Variants in PRLR observed in about 807,000 individuals in gnomAD.
PRLR encodes the protein prolactin receptor.
Under a neutral mutation model 40.2 loss-of-function variants are expected in PRLR, and 13 were observed. The ratio of observed to expected loss-of-function variants is 0.32; its 90% CI spans 0.21 to 0.51. The LOEUF is 0.51. PRLR is among the 20% of genes least tolerant of loss of function. The pLI, the probability that PRLR is intolerant of heterozygous loss-of-function variation, is 0.97. For synonymous variants in PRLR, 269 were observed against 278.7 expected (o/e 0.97, Z 0.35); for missense variants, 656 against 747.3 (o/e 0.88, Z 1.42).
chr5:35,209,549 T>C (rs2111636104), intron 1 of PRLR, among the ~76,000 whole-genome samples: 1 of 152,310 alleles, frequency 6.6e-6, no homozygotes, highest in South Asian at 2.1e-4. Context: ...TGGAAAGAAT[T>C]CATGGAGATG....
intron 1 of PRLR, among the ~76,000 whole-genome samples, chr5:35,156,974 C>G (rs1457790959): frequency 6.6e-6 from 1 of 151,972 alleles, no homozygotes; most frequent in African/African-American, 2.4e-5. Flanking sequence ...CTCGTTGCAT[C>G]CTTAATTTAG....
intron 2 of PRLR, among the ~76,000 whole-genome samples, chr5:35,110,336 A>G (rs1380281646): frequency 1.3e-5 from 2 of 151,142 alleles, no homozygotes; most frequent in Non-Finnish European, 2.9e-5. Flanking sequence ...CATGTTGTGC[A>G]CATGTACCCT....
intron 1 of PRLR, among the ~76,000 whole-genome samples, chr5:35,206,553 G>A (rs571197282): frequency 1.3e-5 from 2 of 152,158 alleles, no homozygotes; most frequent in South Asian, 4.2e-4. Flanking sequence ...AGGTTGGAAG[G>A]AAGTAAAAAT....
intron 2 of PRLR, among the ~76,000 whole-genome samples, chr5:35,092,241 T>C (rs1263415860): frequency 6.6e-6 from 1 of 152,218 alleles, no homozygotes; most frequent in Admixed American, 6.5e-5. Context: ...TAGTTACTAT[T>C]ATGCACTTTC....
chr5:35,182,417 G>T (rs1371669565), intron 1 of PRLR, among the ~76,000 whole-genome samples: 1 of 152,178 alleles, frequency 6.6e-6, no homozygotes, highest in Non-Finnish European at 1.5e-5. Context: ...GAACAACAGA[G>T]AAAGAAGCAA....
intron 1 of PRLR, among the ~76,000 whole-genome samples, chr5:35,202,625 G>C (rs1775911469): frequency 6.6e-6 from 1 of 151,974 alleles, no homozygotes; most frequent in Non-Finnish European, 1.5e-5. Context: ...ATTGGTGCCT[G>C]GTATACAGAC....
At chr5:35,087,665 TAGA>T (rs1382033458) in intron 3 of PRLR, among the ~76,000 whole-genome samples, 1 of 152,102 alleles carries the variant, frequency 6.6e-6, no homozygotes, top group Non-Finnish European at 1.5e-5. Flanking sequence ...GACTGGATGC[TAGA>T]AGGTCTCAGT....
At chr5:35,090,745 G>A (rs1358768111) in intron 2 of PRLR, among the ~76,000 whole-genome samples, 10 of 141,838 alleles carry the variant, frequency 7.1e-5, no homozygotes, top group Admixed American at 5.1e-4. Context: ...ATGGAGAAAC[G>A]ATAGCAACAG....
At chr5:35,177,628 G>T (rs1775185622) in intron 1 of PRLR, among the ~76,000 whole-genome samples, 1 of 152,088 alleles carries the variant, frequency 6.6e-6, no homozygotes, top group Non-Finnish European at 1.5e-5. Context: ...CTATGTTCTA[G>T]TATGTATCAG....
At chr5:35,195,983 C>T (rs1236569757) in intron 1 of PRLR, among the ~76,000 whole-genome samples, 1 of 152,026 alleles carries the variant, frequency 6.6e-6, no homozygotes, top group African/African-American at 2.4e-5. Context: ...TATGAATTCT[C>T]AAGTTTCCAG....
At chr5:35,117,335 T>G (rs1773083390) in intron 2 of PRLR, among the ~76,000 whole-genome samples, 1 of 152,188 alleles carries the variant, frequency 6.6e-6, no homozygotes, top group Admixed American at 6.5e-5. Flanking sequence ...AACTTCATTG[T>G]TTTCCTATCT....
At chr5:35,111,546 G>A (rs1045809953) in intron 2 of PRLR, among the ~76,000 whole-genome samples, 4 of 152,126 alleles carry the variant, frequency 2.6e-5, no homozygotes, top group African/African-American at 9.7e-5. Context: ...TCTGTACAAA[G>A]AGAACCCTAC....
At chr5:35,150,944 G>A (rs1249897937) in intron 1 of PRLR, among the ~76,000 whole-genome samples, 2 of 152,166 alleles carry the variant, frequency 1.3e-5, no homozygotes, top group African/African-American at 4.8e-5. Context: ...GTTGCTAATA[G>A]TAGGCATATA....
At chr5:35,208,969 T>G (rs1776096769) in intron 1 of PRLR, among the ~76,000 whole-genome samples, 1 of 152,160 alleles carries the variant, frequency 6.6e-6, no homozygotes, top group Admixed American at 6.5e-5. Context: ...TATGACGGAA[T>G]GTTATACAAG....
chr5:35,140,010 A>AT (rs974669999), intron 1 of PRLR, among the ~76,000 whole-genome samples: 108 of 152,362 alleles, frequency 7.1e-4, no homozygotes, highest in African/African-American at 2.4e-3. Context: ...TAAAAATGTA[A>AT]TTTTTTAAAG....
intron 2 of PRLR, among the ~76,000 whole-genome samples, chr5:35,096,627 T>TTA (rs1285749173): frequency 6.7e-6 from 1 of 148,278 alleles, no homozygotes; most frequent in Non-Finnish European, 1.5e-5. Flanking sequence ...TTTACTTTCT[T>TTA]TTTTTTTTTT....
intron 1 of PRLR, among the ~76,000 whole-genome samples, chr5:35,219,344 CAT>C (rs1776361948): frequency 6.6e-6 from 1 of 152,162 alleles, no homozygotes; most frequent in South Asian, 2.1e-4. Flanking sequence ...TGATCTTGGG[CAT>C]ATGACTTAAC....
intron 1 of PRLR, among the ~76,000 whole-genome samples, chr5:35,219,030 G>A (rs952220627): frequency 6.6e-6 from 1 of 152,258 alleles, no homozygotes; most frequent in South Asian, 2.1e-4. Context: ...GCGGCGGGGT[G>A]GGGGGTGGTT....
chr5:35,050,709 C>T (rs563078387), downstream of PRLR, among the ~76,000 whole-genome samples: 1 of 152,286 alleles, frequency 6.6e-6, no homozygotes, highest in East Asian at 1.9e-4. Context: ...CTTTGCTCTG[C>T]CCCAGGCCTC....
Sources: allele counts gnomAD v4.1 joint callset (sites outside exome capture counted in the v4.1 genomes callset), GRCh38; gene constraint gnomAD v4.1.1; transcripts MANE v1.5; gene names NCBI Gene and HGNC (gene_info 2026-07-23, HGNC 2026-07-21).